Variants in PLEKHA7 observed in about 807,000 individuals in gnomAD.
PLEKHA7 encodes the protein pleckstrin homology domain containing A7.
A neutral mutation model predicts 170.0 loss-of-function variants in PLEKHA7; 104 were observed. The ratio of observed to expected loss-of-function variants is 0.61; its 90% CI spans 0.52 to 0.72. The LOEUF (loss-of-function observed/expected upper bound fraction) is 0.72. Ranked by LOEUF, PLEKHA7 falls within the 30% of genes least tolerant of loss-of-function variation. The probability of loss-of-function intolerance (pLI) is 0.00; values close to 1 mark genes in which losing one functional copy is unlikely to be tolerated. For synonymous variants in PLEKHA7, 648 were observed against 660.8 expected, an observed-to-expected ratio of 0.98 and a Z score of 0.30; for missense variants, 1,615 against 1,671.7, an observed-to-expected ratio of 0.97 and a Z score of 0.59.
chr11:16,807,879 C>T (rs1486794147), intron 13 of PLEKHA7, among the ~76,000 whole-genome samples: 1 of 152,206 alleles, frequency 6.6e-6, no homozygotes, highest in African/African-American at 2.4e-5. Flanking sequence ...TGGGATGGGG[C>T]CTGGGCATTG....
Position 16,999,478 on chromosome 11 carries a change from C to T in PLEKHA7, c.221+14511G>A, listed in dbSNP as rs182175587. ...TTCTAACTGGGACTGACAGCATCAT[C>T]TCAGCAGAGGTGAAGGCAGCACATT... is the stretch of plus-strand genomic sequence containing the variant. On this transcript the variant is annotated intron_variant, in intron 3 of 26. Transcript: ENST00000531066. 2.0e-5 allele frequency among the ~76,000 whole-genome samples: 3 copies of T among 152,182 alleles called. No individual in the cohort carries two copies. The East Asian group carries it at 5.8e-4, about 30-fold the overall frequency.
At chr11:16,819,299 T>C (rs976660839) in intron 10 of PLEKHA7, among the ~76,000 whole-genome samples, 2 of 152,196 alleles carry the variant, frequency 1.3e-5, no homozygotes, top group Non-Finnish European at 2.9e-5. Context: ...GGTTTCACCA[T>C]GTTGGCCAGG....
intron 3 of PLEKHA7, among the ~76,000 whole-genome samples, chr11:16,944,257 G>A (rs1355221642): frequency 6.6e-6 from 1 of 152,078 alleles, no homozygotes; most frequent in African/African-American, 2.4e-5. Context: ...AGTAGGCTGA[G>A]GCAGGAGAAT....
intron 3 of PLEKHA7, among the ~76,000 whole-genome samples, chr11:16,901,090 G>A (rs569672072): frequency 5.8e-4 from 88 of 152,128 alleles, no homozygotes; most frequent in African/African-American, 1.9e-3. Context: ...CAGGTGATCC[G>A]CCTGCCTCGA....
intron 3 of PLEKHA7, among the ~76,000 whole-genome samples, chr11:16,915,458 C>T (rs1858576106): frequency 1.3e-5 from 2 of 151,734 alleles, no homozygotes; most frequent in African/African-American, 2.4e-5. Flanking sequence ...GTGCGCTGCA[C>T]CCACTAACTC....
At chr11:16,837,740 C>G (rs2135187676) in intron 9 of PLEKHA7, among the ~76,000 whole-genome samples, 1 of 152,262 alleles carries the variant, frequency 6.6e-6, no homozygotes, top group African/African-American at 2.4e-5. Flanking sequence ...CCAGCATAAA[C>G]AGAGAAGGCA....
chr11:16,850,480 T>C (rs1423379699), intron 8 of PLEKHA7, among the ~76,000 whole-genome samples: 1 of 152,196 alleles, frequency 6.6e-6, no homozygotes, highest in Non-Finnish European at 1.5e-5. Flanking sequence ...TCTTAACACC[T>C]GCAGTGAAGG....
rs1391409381 is a variant in PLEKHA7 at position 17,014,387 on chromosome 11, C to A, written c.15G>T (p.Thr5=). The A allele has an allele frequency of 1.5e-6, 2 of 1,345,974 alleles. No homozygotes were observed. The highest frequency in any genetic ancestry group is 1.9e-6 in the Non-Finnish European group (2 of 1,036,464). 83.4% of individuals were successfully genotyped at this position (1,345,974 alleles called of 1,614,324 possible). A position where few individuals can be genotyped will look rare whatever the true frequency, so the allele number is the denominator to read the frequency against. Residue 5 remains threonine, a synonymous_variant, in exon 1 of 27, where the codon ACG becomes ACT. Coordinates refer to ENST00000531066, the MANE Select transcript of PLEKHA7 (RefSeq NM_001329630.2). ...GCTCAGGTAAAGTGTCCCGCCCGAC[C>A]GTCGCCGCCGCCATGTTCGCCGAGC... MAAA[T]VGRDTLPEHW...
intron 3 of PLEKHA7, among the ~76,000 whole-genome samples, chr11:16,888,357 T>C (rs909444454): frequency 1.8e-4 from 27 of 152,276 alleles, no homozygotes; most frequent in African/African-American, 6.3e-4. Context: ...CAACAGCTCA[T>C]TGAGAGCGGG....
At chr11:16,907,168 T>G (rs1372707489) in intron 3 of PLEKHA7, among the ~76,000 whole-genome samples, 2 of 87,334 alleles carry the variant, frequency 2.3e-5, no homozygotes, top group Admixed American at 1.3e-4. Flanking sequence ...GGTGGGGGGG[T>G]TAGCCCCCCG....
intron 3 of PLEKHA7, among the ~76,000 whole-genome samples, chr11:16,977,199 T>A (rs1306065022): frequency 6.6e-6 from 1 of 152,144 alleles, no homozygotes; most frequent in Non-Finnish European, 1.5e-5. Context: ...CCATGTCAAC[T>A]CCTTGTTCAA....
intron 3 of PLEKHA7, among the ~76,000 whole-genome samples, chr11:16,981,606 C>T (rs2136853409): frequency 6.6e-6 from 1 of 152,240 alleles, no homozygotes; most frequent in South Asian, 2.1e-4. Context: ...CACCATTTTC[C>T]CCCAAGAGGC....
At chr11:16,847,457 A>G (rs1250942302) in intron 8 of PLEKHA7, among the ~76,000 whole-genome samples, 2 of 152,302 alleles carry the variant, frequency 1.3e-5, no homozygotes, top group Admixed American at 6.5e-5. Flanking sequence ...AGGCAACTGT[A>G]TATGACTAGA....
At chr11:16,961,874 C>T (rs1004266070) in intron 3 of PLEKHA7, among the ~76,000 whole-genome samples, 1 of 152,158 alleles carries the variant, frequency 6.6e-6, no homozygotes, top group Non-Finnish European at 1.5e-5. Context: ...GGATCAGTAC[C>T]ACCTGCCTCA....
At chr11:16,845,304 T>C (rs1397243661) in intron 8 of PLEKHA7, among the ~76,000 whole-genome samples, 2 of 152,242 alleles carry the variant, frequency 1.3e-5, no homozygotes, top group African/African-American at 4.8e-5. Flanking sequence ...ATATAGGGTT[T>C]TGTCTTAATG....
intron 3 of PLEKHA7, among the ~76,000 whole-genome samples, chr11:16,939,085 A>G (rs1409648451): frequency 5.3e-5 from 8 of 152,220 alleles, no homozygotes; most frequent in Admixed American, 5.2e-4. Flanking sequence ...AGGATGCCCA[A>G]GATCTTTGAC....
chr11:16,972,661 TCCTCCTGCCTTGG>T (rs959087676), intron 3 of PLEKHA7, among the ~76,000 whole-genome samples: 9 of 152,076 alleles, frequency 5.9e-5, no homozygotes, highest in Non-Finnish European at 2.9e-5. Context: ...GCTCAAACAA[TCCTCCTGCCTTGG>T]CCTCCCAAAG....
At chr11:16,781,103 C>T in intron 26 of PLEKHA7, 1 of 757,646 alleles carries the variant, frequency 1.3e-6, no homozygotes, top group Non-Finnish European at 1.6e-6. Flanking sequence ...CTCATCAGCT[C>T]CTGCAGCACC....
chr11:16,849,617 G>A (rs1852751671), intron 8 of PLEKHA7, among the ~76,000 whole-genome samples: 1 of 152,168 alleles, frequency 6.6e-6, no homozygotes, highest in Non-Finnish European at 1.5e-5. Context: ...ATACAAAGTG[G>A]GAGCCCTATA....
Sources: gnomAD v4.1 joint callset for allele counts (sites outside exome capture counted in the v4.1 genomes callset) on GRCh38, gnomAD v4.1.1 for gene constraint, MANE v1.5 for transcripts, NCBI Gene and HGNC (gene_info 2026-07-23, HGNC 2026-07-21) for gene names.